Variants in PTPRN2 observed in about 807,000 individuals in gnomAD.
The protein encoded by PTPRN2 is protein tyrosine phosphatase receptor type N2, also known as receptor-type tyrosine-protein phosphatase N2.
PTPRN2 carries 74 observed loss-of-function variants against 118.8 expected under a neutral mutation model. That is an observed-to-expected ratio of 0.62 (90% CI 0.52 to 0.76). PTPRN2 has a LOEUF of 0.76. PTPRN2 is among the 30% of genes least tolerant of loss of function. The pLI, the probability that PTPRN2 is intolerant of heterozygous loss-of-function variation, is 0.00. For missense variants in PTPRN2, 1,481 were observed against 1,394.4 expected, an observed-to-expected ratio of 1.06 and a Z score of -0.99; for synonymous variants, 641 against 608.0, an observed-to-expected ratio of 1.05 and a Z score of -0.80.
intron 11 of PTPRN2, among the ~76,000 whole-genome samples, chr7:158,005,853 C>T (rs902529183): frequency 4.6e-5 from 7 of 152,206 alleles, no homozygotes; most frequent in African/African-American, 9.7e-5. Context: ...CTAAAATGCA[C>T]GTGTGTGCAA....
chr7:158,081,416 T>C, intron 10 of PTPRN2, 39 bp from the exon 11 acceptor site: 2 of 1,574,000 alleles, frequency 1.3e-6, no homozygotes, highest in Non-Finnish European at 1.7e-6. Context: ...TAACGAAGTC[T>C]ACGCGCCACA....
chr7:157,624,143 G>A (rs927714683), intron 14 of PTPRN2, among the ~76,000 whole-genome samples: 12 of 152,144 alleles, frequency 7.9e-5, no homozygotes, highest in African/African-American at 2.4e-4. Context: ...CATTGAGGCC[G>A]GGCTCGGTGG....
intron 1 of PTPRN2, among the ~76,000 whole-genome samples, chr7:158,564,284 C>A (rs977227191): frequency 6.6e-6 from 1 of 152,178 alleles, no homozygotes; most frequent in Non-Finnish European, 1.5e-5. Flanking sequence ...GCAATGAACA[C>A]GCTTATGCAA....
At chr7:158,573,223 G>A (rs1302167876) in intron 1 of PTPRN2, among the ~76,000 whole-genome samples, 2 of 152,168 alleles carry the variant, frequency 1.3e-5, no homozygotes, top group African/African-American at 2.4e-5. Context: ...ACTATACCCA[G>A]CTAAACAATT....
chr7:158,277,251 C>T (rs903413972), intron 3 of PTPRN2, among the ~76,000 whole-genome samples: 2 of 152,206 alleles, frequency 1.3e-5, no homozygotes, highest in Admixed American at 6.5e-5. Context: ...GCAGCCTGTG[C>T]GAATCGGCCT....
chr7:158,127,117 C>T (rs892575389), intron 9 of PTPRN2, among the ~76,000 whole-genome samples: 5 of 152,208 alleles, frequency 3.3e-5, no homozygotes, highest in African/African-American at 1.2e-4. Context: ...GAGGTCAACG[C>T]CGCCCCATGC....
intron 1 of PTPRN2, among the ~76,000 whole-genome samples, chr7:158,496,039 A>G (rs992462397): frequency 1.3e-5 from 2 of 151,718 alleles, no homozygotes; most frequent in South Asian, 2.1e-4. Context: ...GGGGGGCAGC[A>G]GGGGGCAGCA....
intron 20 of PTPRN2, 93 bp downstream of exon 20, chr7:157,571,347 T>G: frequency 1.0e-6 from 1 of 1,002,236 alleles, no homozygotes; most frequent in Non-Finnish European, 1.5e-6. Flanking sequence ...TTATATTTAT[T>G]AAGCAATTAG....
intron 5 of PTPRN2, among the ~76,000 whole-genome samples, chr7:158,170,041 G>C (rs950168180): frequency 6.6e-6 from 1 of 152,162 alleles, no homozygotes; most frequent in Non-Finnish European, 1.5e-5. Context: ...TGTGACTATA[G>C]CTATCATCCA....
chr7:157,925,988 T>G (rs1407632874), intron 11 of PTPRN2, among the ~76,000 whole-genome samples: 1 of 145,454 alleles, frequency 6.9e-6, no homozygotes, highest in Non-Finnish European at 1.5e-5. Context: ...GTTATCATTT[T>G]CAGTATTTGC....
At chr7:158,272,065 T>C (rs572870355) in intron 3 of PTPRN2, among the ~76,000 whole-genome samples, 2 of 152,344 alleles carry the variant, frequency 1.3e-5, no homozygotes, top group South Asian at 4.1e-4. Context: ...TGTTCCCTCC[T>C]CATTTAAGCC....
chr7:158,103,735 G>A (rs1047457625), intron 10 of PTPRN2, among the ~76,000 whole-genome samples: 1 of 152,178 alleles, frequency 6.6e-6, no homozygotes, highest in East Asian at 1.9e-4. Context: ...TTGATGTGAT[G>A]GACACCAATG....
At chr7:157,752,415 C>T (rs1049982213) in intron 12 of PTPRN2, among the ~76,000 whole-genome samples, 3 of 152,220 alleles carry the variant, frequency 2.0e-5, no homozygotes, top group Admixed American at 6.5e-5. Flanking sequence ...CGAGCACGTG[C>T]CCTCGTCCAG....
At chr7:158,141,481 T>A (rs544859167) in intron 6 of PTPRN2, among the ~76,000 whole-genome samples, 1 of 152,330 alleles carries the variant, frequency 6.6e-6, no homozygotes, top group African/African-American at 2.4e-5. Flanking sequence ...TGGGGCCGCC[T>A]AGACTCGCAT....
intron 1 of PTPRN2, among the ~76,000 whole-genome samples, chr7:158,543,244 C>T (rs1241153709): frequency 4.6e-5 from 7 of 152,208 alleles, no homozygotes; most frequent in Non-Finnish European, 8.8e-5. Flanking sequence ...GGGTTCAATA[C>T]GCCAGACACA....
chr7:157,901,129 G>T (rs545560461), intron 11 of PTPRN2, among the ~76,000 whole-genome samples: 26 of 152,310 alleles, frequency 1.7e-4, no homozygotes, highest in African/African-American at 6.3e-4. Flanking sequence ...GGCGGAGGGA[G>T]GGCCAGGCTC....
At chr7:158,506,398 G>A (rs1027081875) in intron 1 of PTPRN2, among the ~76,000 whole-genome samples, 22 of 152,212 alleles carry the variant, frequency 1.4e-4, no homozygotes, top group African/African-American at 4.8e-4. Flanking sequence ...TCAGTAGAAT[G>A]ACTAAGTGAC....
Position 158,328,299 on chromosome 7 carries a change from C to T in PTPRN2, c.164-11367G>A, listed in dbSNP as rs1039375201. Among the ~76,000 whole-genome samples the T allele has an allele frequency of 3.3e-5, 5 of 152,206 alleles. No homozygotes were observed. In the East Asian group the frequency reaches 9.6e-4, roughly 29 times the overall value. On this transcript the variant is annotated intron_variant, in intron 2 of 22. Transcript: ENST00000389418. ...CACACCCAGGTCAGATTTAAGGAGCCGTTGGATCCGTGGGCTGCGTCCAAG... is the reference window on the plus strand; with the variant it reads ...CACACCCAGGTCAGATTTAAGGAGCTGTTGGATCCGTGGGCTGCGTCCAAG...
intron 2 of PTPRN2, among the ~76,000 whole-genome samples, chr7:158,423,539 ATT>A (rs11419691): frequency 1.3e-5 from 2 of 148,172 alleles, no homozygotes; most frequent in African/African-American, 2.5e-5. Flanking sequence ...CTGGTTCCTC[ATT>A]TTTTTTTTTT....
Sources: gnomAD v4.1 joint callset for allele counts (sites outside exome capture counted in the v4.1 genomes callset) on GRCh38, gnomAD v4.1.1 for gene constraint, MANE v1.5 for transcripts, NCBI Gene and HGNC (gene_info 2026-07-23, HGNC 2026-07-21) for gene names.